Variants in CSNK1A1 observed in about 807,000 individuals in gnomAD.
CSNK1A1 encodes casein kinase I isoform alpha.
CSNK1A1 carries 7 observed loss-of-function variants against 46.1 expected under a neutral mutation model. The ratio of observed to expected loss-of-function variants is 0.15; its 90% CI spans 0.09 to 0.29. CSNK1A1 has a LOEUF of 0.29. Among genes scored for constraint, CSNK1A1 ranks in the 10% least tolerant of loss-of-function variants. The pLI, the probability that CSNK1A1 is intolerant of heterozygous loss-of-function variation, is 1.00. For synonymous variants in CSNK1A1, 137 were observed against 141.5 expected (o/e 0.97, Z 0.23); for missense variants, 96 against 417.1 (o/e 0.23, Z 6.71).
chr5:149,501,982 A>C (rs1210630724), intron 9 of CSNK1A1: 2 of 937,210 alleles, frequency 2.1e-6, no homozygotes, highest in African/African-American at 3.6e-5. Context: ...TATAGATAAT[A>C]AGTGGCATAA....
rs1362585168 is a variant in CSNK1A1, at chr5:149,530,990, C to CA, written c.231-5820dup. On this transcript the variant is annotated intron_variant, in intron 2 of 9. Coordinates refer to ENST00000377843, the MANE Select transcript of CSNK1A1 (RefSeq NM_001892.6). ...CAAAAAAAAAAAAAGAACACATAAACAAAAAAAAAAAGTTTCAGCTACTCT... is the reference window on the plus strand; with the variant it reads ...CAAAAAAAAAAAAAGAACACATAAACAAAAAAAAAAAAGTTTCAGCTACTCT... Among the ~76,000 whole-genome samples the CA allele has an allele frequency of 3.5e-3, 192 of 54,916 alleles. 1 individual carries two copies. The highest frequency in any genetic ancestry group is 9.9e-3 in the African/African-American group (151 of 15,268). The allele number at this position is 54,916 out of a possible 152,430, so 36.0% of individuals were successfully genotyped here.
intron 2 of CSNK1A1, among the ~76,000 whole-genome samples, chr5:149,533,668 G>A (rs191588804): frequency 4.7e-5 from 7 of 148,864 alleles, no homozygotes; most frequent in Admixed American, 3.3e-4. Context: ...GAGCGGGGAC[G>A]TAGTTGCAAA....
At chr5:149,510,229 G>A (rs978216152) in intron 6 of CSNK1A1, among the ~76,000 whole-genome samples, 1 of 151,962 alleles carries the variant, frequency 6.6e-6, no homozygotes, top group Non-Finnish European at 1.5e-5. Flanking sequence ...AAAATGGCTG[G>A]GGCCAAAATT....
At chr5:149,511,967 A>C (rs1761235755) in intron 5 of CSNK1A1, 95 bp from the exon 6 acceptor site, 1 of 912,450 alleles carries the variant, frequency 1.1e-6, no homozygotes, top group African/African-American at 1.7e-5. Flanking sequence ...TTCCCAAATG[A>C]GGAGGGAACA....
At chr5:149,538,179 C>T (rs992263385) in intron 2 of CSNK1A1, among the ~76,000 whole-genome samples, 2 of 151,958 alleles carry the variant, frequency 1.3e-5, no homozygotes, top group Non-Finnish European at 2.9e-5. Context: ...TGTGCCACCA[C>T]GCCCAGCTAA....
intron 2 of CSNK1A1, among the ~76,000 whole-genome samples, chr5:149,536,071 A>T (rs1762053213): frequency 6.6e-6 from 1 of 152,166 alleles, no homozygotes. Flanking sequence ...CTCCTGCCTC[A>T]GCCTCCTGAG....
chr5:149,538,264 C>T (rs565412738), intron 2 of CSNK1A1, among the ~76,000 whole-genome samples: 215 of 152,072 alleles, frequency 1.4e-3, no homozygotes, highest in Middle Eastern at 6.8e-3. Context: ...TCAGGTGATC[C>T]GCCCGCCTCG....
intron 3 of CSNK1A1, among the ~76,000 whole-genome samples, chr5:149,521,484 C>T (rs1012175914): frequency 6.6e-6 from 1 of 151,906 alleles, no homozygotes; most frequent in Non-Finnish European, 1.5e-5. Context: ...GACGGGATAT[C>T]GTTATGTTGC....
intron 6 of CSNK1A1, among the ~76,000 whole-genome samples, chr5:149,511,376 C>A (rs751013289): frequency 6.7e-6 from 1 of 149,982 alleles, no homozygotes; most frequent in Non-Finnish European, 1.5e-5. Flanking sequence ...CATACACTCA[C>A]AAAAGTAACA....
Position 149,494,863 on chromosome 5 carries a change from A to G in CSNK1A1, c.*1990T>C, listed in dbSNP as rs1760610129. 6.6e-6 allele frequency: 1 copy of G among 152,268 alleles called. No individual in the cohort carries two copies. Among genetic ancestry groups the G allele is most frequent in the Non-Finnish European group, 1.5e-5 (1 of 68,046 alleles). The allele number at this position is 152,268 out of a possible 1,614,324, so 9.4% of individuals were successfully genotyped here. A position where few individuals can be genotyped will look rare whatever the true frequency, so the allele number is the denominator to read the frequency against. The stretch of plus-strand genomic sequence containing the variant: ...AAATACAAAAAAGTGTTACAAAAAT[A>G]TTTCAGAAAAAGTGCATAGTCTAAG... On this transcript the variant is annotated 3_prime_UTR_variant, in exon 10 of 10. Coordinates refer to ENST00000377843, the MANE Select transcript of CSNK1A1 (RefSeq NM_001892.6).
intron 4 of CSNK1A1, among the ~76,000 whole-genome samples, chr5:149,516,340 A>AC (rs201475894): frequency 3.2e-4 from 27 of 84,910 alleles, no homozygotes; most frequent in Middle Eastern, 4.6e-3. Context: ...AAACAAAAAA[A>AC]CCCCCCAAAA....
chr5:149,504,507 T>G, intron 9 of CSNK1A1: 1 of 985,388 alleles, frequency 1.0e-6, no homozygotes, highest in South Asian at 4.7e-5. Flanking sequence ...AGTAAGCAGG[T>G]ATCAGGAGGT....
chr5:149,494,909 TG>T lies in CSNK1A1; in HGVS notation c.*1943del, dbSNP rs1357939213. ...CTAAGTGCATAGTAAATAAAAGCAC[TG>T]AAAAATATCTTGCTAGAGGGAGTTC... On this transcript the variant is annotated 3_prime_UTR_variant, in exon 10 of 10. Transcript: ENST00000377843. 1 of 152,238 alleles carries T rather than the reference TG, an allele frequency of 6.6e-6. No individual in the cohort carries two copies. Among genetic ancestry groups the T allele is most frequent in the Admixed American group, 6.5e-5 (1 of 15,282 alleles). 9.4% of individuals were successfully genotyped at this position (152,238 alleles called of 1,614,324 possible).
chr5:149,498,333 G>C (rs1441054514), intron 9 of CSNK1A1: 1 of 985,020 alleles, frequency 1.0e-6, no homozygotes, highest in Non-Finnish European at 1.2e-6. Flanking sequence ...AAAAATGAAA[G>C]ATAACATAAC....
At chr5:149,522,462 A>G (rs1355104415) in intron 3 of CSNK1A1, among the ~76,000 whole-genome samples, 1 of 152,216 alleles carries the variant, frequency 6.6e-6, no homozygotes, top group Non-Finnish European at 1.5e-5. Flanking sequence ...TAAATAGATT[A>G]CATATCCAAA....
chr5:149,533,345 G>A (rs1761956647), intron 2 of CSNK1A1, among the ~76,000 whole-genome samples: 1 of 152,092 alleles, frequency 6.6e-6, no homozygotes, highest in Non-Finnish European at 1.5e-5. Context: ...AAATTATGGG[G>A]ATCTGATCTT....
intron 2 of CSNK1A1, among the ~76,000 whole-genome samples, chr5:149,544,476 A>G (rs1474737409): frequency 3.4e-5 from 5 of 147,412 alleles, no homozygotes; most frequent in Non-Finnish European, 1.5e-5. Flanking sequence ...CAGTCTGGGC[A>G]ATATAGCAAG....
intron 2 of CSNK1A1, among the ~76,000 whole-genome samples, chr5:149,531,026 C>T (rs909096074): frequency 6.8e-6 from 1 of 148,070 alleles, no homozygotes; most frequent in Non-Finnish European, 1.5e-5. Context: ...GTTCCCTTTT[C>T]TCTAAAATCC....
At position 149,501,013 on chromosome 5, in the gene CSNK1A1, A is replaced by ACC. The variant is rs1438667202; in HGVS notation, c.1007-4155_1007-4154dup. 5.1e-6 allele frequency: 5 copies of ACC among 985,296 alleles called. No homozygotes were observed. The Admixed American group carries it at 3.1e-4, about 61-fold the overall frequency. 61.0% of individuals were successfully genotyped at this position (985,296 alleles called of 1,614,324 possible). A position where few individuals can be genotyped will look rare whatever the true frequency, so the allele number is the denominator to read the frequency against. Reference sequence around the variant, plus strand: ...TTCTGACGTTCTGGAGTTTTAAAATACCTGTTTATAATTGATTCTTTCCCC... The same window carrying ACC: ...TTCTGACGTTCTGGAGTTTTAAAATACCCCTGTTTATAATTGATTCTTTCCCC... On this transcript the variant is annotated intron_variant, in intron 9 of 9. Coordinates refer to ENST00000377843, the MANE Select transcript of CSNK1A1 (RefSeq NM_001892.6).
Sources: gnomAD v4.1 joint callset for allele counts (sites outside exome capture counted in the v4.1 genomes callset) on GRCh38, gnomAD v4.1.1 for gene constraint, MANE v1.5 for transcripts, NCBI Gene and HGNC (gene_info 2026-07-23, HGNC 2026-07-21) for gene names.